PCDHB2: variants seen among roughly 807,000 people sequenced by gnomAD.
The protein encoded by PCDHB2 is protocadherin beta 2, also known as protocadherin beta-2.
For synonymous variants in PCDHB2, 395 were observed against 464.9 expected (o/e 0.85, Z 1.93); for missense variants, 914 against 1,023.1 (o/e 0.89, Z 1.45).
rs1343969414 is a variant in PCDHB2 at position 141,097,891 on chromosome 5, G to A, written c.*704G>A. On this transcript the variant is annotated 3_prime_UTR_variant, in exon 1 of 1. Transcript: ENST00000194155. The stretch of plus-strand genomic sequence containing the variant: ...ATTTTGTATTTTTAGTAGAGACAGG[G>A]TGTCTCCATGTTGGTCAGGTTGGTC... 6.6e-6 allele frequency: 1 copy of A among 152,070 alleles called. No homozygotes were observed. Among genetic ancestry groups the A allele is most frequent in the Non-Finnish European group, 1.5e-5 (1 of 68,024 alleles). 9.4% of individuals were successfully genotyped at this position (152,070 alleles called of 1,614,324 possible).
In PCDHB2 at chr5:141,096,846, G is replaced by T. The variant is rs61742377; in HGVS notation, c.2056G>T (p.Asp686Tyr). 3,567 of 1,611,022 alleles carry T rather than the reference G, an allele frequency of 2.2e-3. 3 individuals carry two copies. The highest frequency in any genetic ancestry group is 2.8e-3 in the Non-Finnish European group (3,344 of 1,179,756). Residue 686 changes from aspartate (D) to tyrosine (Y), a missense_variant, in exon 1 of 1, where the codon GAC becomes TAC. Physicochemically the swap from Asp to Tyr is radical, Grantham distance 160. Transcript: ENST00000194155. ...GGCGGCACCGGCCCAGGCCCAGGCC[G>T]ACTTGCTCACCGTCTACCTGGTGGT... ...PEAAPAQAQA[D>Y]LLTVYLVVAL...
In PCDHB2 at chr5:141,096,698, C is replaced by A. The variant is rs782067541; in HGVS notation, c.1908C>A (p.Asp636Glu). 19 of 1,610,674 alleles carry A rather than the reference C, an allele frequency of 1.2e-5. No homozygotes were observed. The South Asian group carries it at 1.9e-4, about 16-fold the overall frequency. ...CCGCCAGGCTGCTGAGGGAGCGCGA[C>A]GCTGCCAAGCAGAGGCTGGTGGTGC... ...VRTARLLRER[D>E]AAKQRLVVLV... is the part of the protein sequence containing the mutation. Residue 636 changes from aspartate to glutamate, a missense_variant, in exon 1 of 1, where the codon GAC (aspartate) becomes GAA (glutamate). Transcript: ENST00000194155.
Position 141,096,206 on chromosome 5 carries a change from C to A in PCDHB2, c.1416C>A (p.Ile472=). 6.2e-7 allele frequency: 1 copy of A among 1,613,064 alleles called. No individual in the cohort carries two copies. Among genetic ancestry groups the A allele is most frequent in the Non-Finnish European group, 8.5e-7 (1 of 1,180,036 alleles). ...AGAACAACAGCCCCGCCCTGCACAT[C>A]GGCAGCGTCAGCGCCACAGACAGAG... ...VRENNSPALH[I]GSVSATDRDS... is the part of the protein sequence containing the mutation. Residue 472 remains isoleucine (I), a synonymous_variant, in exon 1 of 1, where the codon ATC becomes ATA. Transcript: ENST00000194155.
In PCDHB2 at chr5:141,094,675, G is replaced by A. The variant is rs1751759795; in HGVS notation, c.-116G>A. 1.2e-6 allele frequency: 1 copy of A among 814,300 alleles called. No individual in the cohort carries two copies. The highest frequency in any genetic ancestry group is 1.7e-5 in the African/African-American group (1 of 58,160). 50.4% of individuals were successfully genotyped at this position (814,300 alleles called of 1,614,324 possible). On this transcript the variant is annotated 5_prime_UTR_variant, in exon 1 of 1. Transcript: ENST00000194155. ...GAGGCTTTCTAAGGCGGTCGCTCCGGGAAATCCGGGCCCTAGGATTGTCCA... is the reference window on the plus strand; with the variant it reads ...GAGGCTTTCTAAGGCGGTCGCTCCGAGAAATCCGGGCCCTAGGATTGTCCA...
rs1554271108 is a variant in PCDHB2 at position 141,094,912 on chromosome 5, C to T, written c.122C>T (p.Thr41Met). The change falls in exon 1 of 1, where the codon ACG becomes ATG. Residue 41 changes from threonine (T) to methionine (M), a missense_variant. Transcript: ENST00000194155. ...AGGCACTATTCAGTGGCCGAGGAAA[C>T]GGAGAGTGGCTCCTTTGTGGCCAAT... ...QPRHYSVAEE[T>M]ESGSFVANLL... is the part of the protein sequence containing the mutation. The T allele has an allele frequency of 6.2e-7, 1 of 1,614,094 alleles. No homozygotes were observed. The highest frequency in any genetic ancestry group is 8.5e-7 in the Non-Finnish European group (1 of 1,180,020).
chr5:141,096,268 T>C lies in PCDHB2; in HGVS notation c.1478T>C (p.Leu493Pro), dbSNP rs17844375. The C allele has an allele frequency of 9.9e-3, 16,017 of 1,613,096 alleles. 203 individuals are homozygous for C. The highest frequency in any genetic ancestry group is 0.053 in the East Asian group (2,396 of 44,846). ...GTNAQVTYSL[L>P]PPQDPHLPLA... Reference sequence around the variant, plus strand: ...AACGCCCAGGTCACCTACTCGCTGCTGCCGCCCCAGGACCCGCACCTGCCC... The same window carrying C: ...AACGCCCAGGTCACCTACTCGCTGCCGCCGCCCCAGGACCCGCACCTGCCC... The change falls in exon 1 of 1, where the codon CTG becomes CCG. Residue 493 changes from leucine (L) to proline (P), a missense_variant. Physicochemically the swap from Leu to Pro is moderately conservative, Grantham distance 98 (BLOSUM62 -3). Coordinates refer to ENST00000194155, the MANE Select transcript of PCDHB2 (RefSeq NM_018936.4).
Position 141,096,238 on chromosome 5 carries a change from G to A in PCDHB2, c.1448G>A (p.Gly483Asp), listed in dbSNP as rs146622919. ...GSVSATDRDSGTNAQVTYSLL... is the reference protein window; with the variant it reads ...GSVSATDRDSDTNAQVTYSLL... ...GTCAGCGCCACAGACAGAGACTCGG[G>A]CACCAACGCCCAGGTCACCTACTCG... Residue 483 changes from glycine to aspartate, a missense_variant, in exon 1 of 1, where the codon GGC becomes GAC. Gly to Asp is a moderately conservative substitution (Grantham distance 94). Coordinates refer to ENST00000194155, the MANE Select transcript of PCDHB2 (RefSeq NM_018936.4). The A allele has an allele frequency of 5.1e-5, 82 of 1,612,922 alleles. No homozygotes were observed. The highest frequency in any genetic ancestry group is 6.4e-5 in the Non-Finnish European group (76 of 1,180,044).
In PCDHB2 at chr5:141,095,605, A is replaced by G. The variant is rs782715931; in HGVS notation, c.815A>G (p.Asp272Gly). The change falls in exon 1 of 1, where the codon GAC (aspartate) becomes GGC (glycine). Residue 272 changes from aspartate to glycine, a missense_variant. Physicochemically the swap from Asp to Gly is moderately conservative, Grantham distance 94. Coordinates refer to ENST00000194155, the MANE Select transcript of PCDHB2 (RefSeq NM_018936.4). ...GCCATCGTCTCTGCCAGGGATTTAGACATTGGAACTAATGGAGAAATATCT... is the reference window on the plus strand; with the variant it reads ...GCCATCGTCTCTGCCAGGGATTTAGGCATTGGAACTAATGGAGAAATATCT... ...QVAIVSARDL[D>G]IGTNGEISYA... 1.3e-5 allele frequency: 21 copies of G among 1,614,070 alleles called. No individual in the cohort carries two copies. The highest frequency in any genetic ancestry group is 1.7e-6 in the Non-Finnish European group (2 of 1,180,042).
rs782010389 is a variant in PCDHB2 at position 141,094,902 on chromosome 5, G to C, written c.112G>C (p.Ala38Pro). 1.9e-6 allele frequency: 3 copies of C among 1,614,206 alleles called. No individual in the cohort carries two copies. The highest frequency in any genetic ancestry group is 2.5e-6 in the Non-Finnish European group (3 of 1,180,032). The stretch of plus-strand genomic sequence containing the variant: ...TTGCCAGCCTAGGCACTATTCAGTG[G>C]CCGAGGAAACGGAGAGTGGCTCCTT... ...ASCQPRHYSV[A>P]EETESGSFVA... Residue 38 changes from alanine to proline, a missense_variant, in exon 1 of 1, where the codon GCC (alanine) becomes CCC (proline). Transcript: ENST00000194155.
rs1280604797 is a variant in PCDHB2, at chr5:141,094,626, T to C, written c.-165T>C. The C allele has an allele frequency of 5.6e-6, 3 of 533,624 alleles. No individual in the cohort carries two copies. The Admixed American group carries it at 1.1e-4, about 20-fold the overall frequency. 33.1% of individuals were successfully genotyped at this position (533,624 alleles called of 1,614,324 possible). A position where few individuals can be genotyped will look rare whatever the true frequency, so the allele number is the denominator to read the frequency against. On this transcript the variant is annotated 5_prime_UTR_variant, in exon 1 of 1. Coordinates refer to ENST00000194155, the MANE Select transcript of PCDHB2 (RefSeq NM_018936.4). ...ACGCTCCCTTACCCAGATACTCAGC[T>C]AAAGAAGCAGCAAGCAGGAAGAGGA...
Position 141,096,522 on chromosome 5 carries a change from G to C in PCDHB2, c.1732G>C (p.Val578Leu). Residue 578 changes from valine (V) to leucine (L), a missense_variant, in exon 1 of 1, where the codon GTG (valine) becomes CTG (leucine). Transcript: ENST00000194155. ...QNGSAPCTEL[V>L]PRAAEPGYLV... Reference sequence around the variant, plus strand: ...CGGCTCCGCGCCCTGCACCGAGCTGGTGCCCCGGGCGGCCGAGCCGGGCTA... The same window carrying C: ...CGGCTCCGCGCCCTGCACCGAGCTGCTGCCCCGGGCGGCCGAGCCGGGCTA... The C allele has an allele frequency of 1.2e-6, 2 of 1,607,294 alleles. No individual in the cohort carries two copies. Among genetic ancestry groups the C allele is most frequent in the Non-Finnish European group, 1.7e-6 (2 of 1,177,658 alleles).
chr5:141,094,697 T>C lies in PCDHB2; in HGVS notation c.-94T>C, dbSNP rs1751760676. On this transcript the variant is annotated 5_prime_UTR_variant, in exon 1 of 1. Coordinates refer to ENST00000194155, the MANE Select transcript of PCDHB2 (RefSeq NM_018936.4). Reference sequence around the variant, plus strand: ...CCGGGAAATCCGGGCCCTAGGATTGTCCACTCATCCCAGTATCAGCGAGAT... The same window carrying C: ...CCGGGAAATCCGGGCCCTAGGATTGCCCACTCATCCCAGTATCAGCGAGAT... The C allele has an allele frequency of 1.9e-6, 2 of 1,047,182 alleles. No homozygotes were observed. The highest frequency in any genetic ancestry group is 2.8e-6 in the Non-Finnish European group (2 of 718,364). 64.9% of individuals were successfully genotyped at this position (1,047,182 alleles called of 1,614,324 possible). A position where few individuals can be genotyped will look rare whatever the true frequency, so the allele number is the denominator to read the frequency against.
At position 141,095,892 on chromosome 5, in the gene PCDHB2, G is replaced by A. The variant is rs1244693545; in HGVS notation, c.1102G>A (p.Ala368Thr). 6.2e-7 allele frequency: 1 copy of A among 1,614,020 alleles called. No individual in the cohort carries two copies. The highest frequency in any genetic ancestry group is 1.1e-5 in the South Asian group (1 of 91,068). Residue 368 changes from alanine (A) to threonine (T), a missense_variant, in exon 1 of 1, where the codon GCT becomes ACT. By Grantham distance (58) the Ala-to-Thr change is moderately conservative. Transcript: ENST00000194155. ...IPENLQDTLIAVFSVSDPDSG... is the reference protein window; with the variant it reads ...IPENLQDTLITVFSVSDPDSG... Reference sequence around the variant, plus strand: ...AGAAAACTTGCAGGACACCCTCATTGCTGTATTCAGCGTTTCAGATCCTGA... The same window carrying A: ...AGAAAACTTGCAGGACACCCTCATTACTGTATTCAGCGTTTCAGATCCTGA...
rs782544552 is a variant in PCDHB2 at position 141,095,419 on chromosome 5, T to C, written c.629T>C (p.Ile210Thr). Residue 210 changes from isoleucine (I) to threonine (T), a missense_variant, in exon 1 of 1, where the codon ATC (isoleucine) becomes ACC (threonine). Coordinates refer to ENST00000194155, the MANE Select transcript of PCDHB2 (RefSeq NM_018936.4). ...CTGGATCGCGAGGAGCAGCCTGAGA[T>C]CAGGTTAACCCTCACAGCGCTAGAT... ...RALDREEQPE[I>T]RLTLTALDGG... The C allele has an allele frequency of 5.0e-6, 8 of 1,614,078 alleles. No individual in the cohort carries two copies. The Admixed American group carries it at 8.3e-5, about 17-fold the overall frequency.
rs530203017 is a variant in PCDHB2, at chr5:141,095,109, C to T, written c.319C>T (p.Pro107Ser). 6.2e-7 allele frequency: 1 copy of T among 1,614,100 alleles called. No homozygotes were observed. Among genetic ancestry groups the T allele is most frequent in the Non-Finnish European group, 8.5e-7 (1 of 1,179,988 alleles). The change falls in exon 1 of 1, where the codon CCT (proline) becomes TCT (serine). Residue 107 changes from proline to serine, a missense_variant. Pro to Ser is a moderately conservative substitution (Grantham distance 74). Transcript: ENST00000194155. ...LCGPTEPCVL[P>S]FQVLLENPLQ... ...CGGCCCCACAGAGCCCTGTGTCCTACCTTTCCAGGTGTTACTAGAAAATCC... is the reference window on the plus strand; with the variant it reads ...CGGCCCCACAGAGCCCTGTGTCCTATCTTTCCAGGTGTTACTAGAAAATCC...
Position 141,094,881 on chromosome 5 carries a change from C to T in PCDHB2, c.91C>T (p.Gln31Ter). The change falls in exon 1 of 1, where the codon CAG (glutamine) becomes TAG (stop). Residue 31 changes from glutamine to a stop codon, truncating the protein, a stop_gained. Transcript: ENST00000194155. LOFTEE classifies it low-confidence loss of function (END_TRUNC). ...VLLGIAQASC[Q>*]PRHYSVAEET... is the part of the protein sequence containing the mutation. ...GCTGGGCATAGCTCAGGCTAGTTGC[C>T]AGCCTAGGCACTATTCAGTGGCCGA... 6.2e-7 allele frequency: 1 copy of T among 1,613,844 alleles called. No homozygotes were observed. The highest frequency in any genetic ancestry group is 8.5e-7 in the Non-Finnish European group (1 of 1,179,942).
At position 141,097,447 on chromosome 5, in the gene PCDHB2, A is replaced by G; in HGVS notation, c.*260A>G. 1 of 375,522 alleles carries G rather than the reference A, an allele frequency of 2.7e-6. No homozygotes were observed. 23.3% of individuals were successfully genotyped at this position (375,522 alleles called of 1,614,324 possible). A position where few individuals can be genotyped will look rare whatever the true frequency, so the allele number is the denominator to read the frequency against. ...TAAAAGTAAATTTTGTATTTTCAGA[A>G]ATCTTTAAGTTAGAGCATCTTTTCC... On this transcript the variant is annotated 3_prime_UTR_variant, in exon 1 of 1. Coordinates refer to ENST00000194155, the MANE Select transcript of PCDHB2 (RefSeq NM_018936.4).
In PCDHB2 at chr5:141,098,467, A is replaced by C. The variant is rs1043259614; in HGVS notation, c.*1280A>C. ...AAATTTATCTAGCACCACTCACTCT[A>C]TTTTTTTGCACTGACTACTTCTATT... is the stretch of plus-strand genomic sequence containing the variant. On this transcript the variant is annotated 3_prime_UTR_variant, in exon 1 of 1. Coordinates refer to ENST00000194155, the MANE Select transcript of PCDHB2 (RefSeq NM_018936.4). 1.3e-5 allele frequency: 2 copies of C among 152,042 alleles called. No homozygotes were observed. The highest frequency in any genetic ancestry group is 4.8e-5 in the African/African-American group (2 of 41,380). The allele number at this position is 152,042 out of a possible 1,614,324, so 9.4% of individuals were successfully genotyped here. A position where few individuals can be genotyped will look rare whatever the true frequency, so the allele number is the denominator to read the frequency against.
rs139329842 is a variant in PCDHB2, at chr5:141,094,883, G to T, written c.93G>T (p.Gln31His). The T allele has an allele frequency of 1.9e-4, 313 of 1,614,118 alleles. No homozygotes were observed. The African/African-American group carries it at 3.6e-3, about 18-fold the overall frequency. The change falls in exon 1 of 1, where the codon CAG (glutamine) becomes CAT (histidine). Residue 31 changes from glutamine (Q) to histidine (H), a missense_variant. Coordinates refer to ENST00000194155, the MANE Select transcript of PCDHB2 (RefSeq NM_018936.4). ...VLLGIAQASC[Q>H]PRHYSVAEET... ...TGGGCATAGCTCAGGCTAGTTGCCA[G>T]CCTAGGCACTATTCAGTGGCCGAGG...
Sources: allele counts gnomAD v4.1 joint callset, GRCh38; gene constraint gnomAD v4.1.1; transcripts MANE v1.5; gene names NCBI Gene and HGNC (gene_info 2026-07-23, HGNC 2026-07-21).